Variants in GIT2 observed in about 807,000 individuals in gnomAD.
The protein encoded by GIT2 is GIT ArfGAP 2.
In GIT2, 32 loss-of-function variants were observed where a neutral mutation model predicts 100.3. That is an observed-to-expected ratio of 0.32 (90% CI 0.24 to 0.43). The LOEUF is 0.43. Ranked by LOEUF, GIT2 falls within the 20% of genes least tolerant of loss-of-function variation. GIT2 has a pLI of 1.00. For synonymous variants in GIT2, 353 were observed against 364.1 expected, an observed-to-expected ratio of 0.97 and a Z score of 0.35; for missense variants, 737 against 975.1, an observed-to-expected ratio of 0.76 and a Z score of 3.25.
At position 109,934,294 on chromosome 12, in the gene GIT2, C is replaced by T; in HGVS notation, c.2004-209G>A. Reference sequence around the variant, plus strand: ...AAAGTTCAATCTGATGAAAAGTCTCCAGGTATGAAATATGGCAACATACAC... The same window carrying T: ...AAAGTTCAATCTGATGAAAAGTCTCTAGGTATGAAATATGGCAACATACAC... On this transcript the variant is annotated intron_variant, in intron 18 of 19. Coordinates refer to ENST00000355312, the MANE Select transcript of GIT2 (RefSeq NM_057169.5). This position sits in a 1 kb window ranked among gnomAD's most constrained non-coding sequence, Gnocchi z 4.5. 1.7e-6 allele frequency: 1 copy of T among 576,818 alleles called. No individual in the cohort carries two copies. Among genetic ancestry groups the T allele is most frequent in the African/African-American group, 1.9e-5 (1 of 53,622 alleles). 35.7% of individuals were successfully genotyped at this position (576,818 alleles called of 1,614,324 possible).
At position 109,934,174 on chromosome 12, in the gene GIT2, A is replaced by G. The variant is rs1872345043; in HGVS notation, c.2004-89T>C. Reference sequence around the variant, plus strand: ...AAGTGCTAGAACAGATTCTGTTTACATTCCCTTCATGAAGGGGCTAGGGCT... The same window carrying G: ...AAGTGCTAGAACAGATTCTGTTTACGTTCCCTTCATGAAGGGGCTAGGGCT... On this transcript the variant is annotated intron_variant, in intron 18 of 19. Transcript: ENST00000355312. This position sits in a 1 kb window ranked among gnomAD's most constrained non-coding sequence, Gnocchi z 4.5. 1.3e-6 allele frequency: 1 copy of G among 782,302 alleles called. No homozygotes were observed. The highest frequency in any genetic ancestry group is 2.5e-5 in the East Asian group (1 of 39,496). 48.5% of individuals were successfully genotyped at this position (782,302 alleles called of 1,614,324 possible).
rs1402572163 is a variant in GIT2 at position 109,989,081 on chromosome 12, C to A, written c.300-13G>T. 1 of 1,518,504 alleles carries A rather than the reference C, an allele frequency of 6.6e-7. No homozygotes were observed. The highest frequency in any genetic ancestry group is 1.4e-5 in the African/African-American group (1 of 72,832). 94.1% of individuals were successfully genotyped at this position (1,518,504 alleles called of 1,614,324 possible). On this transcript the variant is annotated splice_polypyrimidine_tract_variant and intron_variant, in intron 3 of 19. Coordinates refer to ENST00000355312, the MANE Select transcript of GIT2 (RefSeq NM_057169.5). Reference sequence around the variant, plus strand: ...CGCTTTATTGGGACTGGTTCAAAAACAAAAAAGAAAACAGTTCACTCGTTC... The same window carrying A: ...CGCTTTATTGGGACTGGTTCAAAAAAAAAAAAGAAAACAGTTCACTCGTTC...
intron 1 of GIT2, among the ~76,000 whole-genome samples, chr12:109,993,761 G>A (rs983821752): frequency 3.3e-5 from 5 of 151,704 alleles, no homozygotes; most frequent in Admixed American, 3.3e-4. Flanking sequence ...TTAAAACATT[G>A]AACATTTCAT....
Position 109,933,151 on chromosome 12 carries a change from G to C in GIT2, c.2107C>G (p.Leu703Val). 1 of 1,586,490 alleles carries C rather than the reference G, an allele frequency of 6.3e-7. No individual in the cohort carries two copies. The highest frequency in any genetic ancestry group is 1.1e-5 in the South Asian group (1 of 88,360). The change falls in exon 20 of 20, where the codon CTG (leucine) becomes GTG (valine). Residue 703 changes from leucine (L) to valine (V), a missense_variant. This residue lies in a region of GIT2 where 451 missense variants were observed against 543.7 expected (regional missense o/e 0.83). Transcript: ENST00000355312. The surrounding 1 kb of genome is among the most constrained non-coding windows in gnomAD (Gnocchi z 4.5). ...SDMVRTSLRL[L>V]TSSAYRLQSE... ...TGCAGTCGGTAGGCACTGGACGTCA[G>C]TAAACGAAGGGAAGTCCTCACCATA...
At chr12:109,935,002 C>T (rs986296779) in intron 18 of GIT2, among the ~76,000 whole-genome samples, 4 of 151,652 alleles carry the variant, frequency 2.6e-5, no homozygotes, top group Non-Finnish European at 4.4e-5. Flanking sequence ...CGCTTGAACC[C>T]GGGAGGCAGA....
chr12:109,992,657 A>G (rs1244397781), intron 1 of GIT2, among the ~76,000 whole-genome samples: 1 of 152,036 alleles, frequency 6.6e-6, no homozygotes, highest in Non-Finnish European at 1.5e-5. Flanking sequence ...TATGATGTCC[A>G]TGAATTGGTT....
chr12:109,957,504 T>TA (rs945935830), intron 12 of GIT2, among the ~76,000 whole-genome samples: 12 of 151,056 alleles, frequency 7.9e-5, no homozygotes, highest in Non-Finnish European at 1.5e-4. Flanking sequence ...AAAAGATAAG[T>TA]ATGTATTTTT....
intron 7 of GIT2, among the ~76,000 whole-genome samples, chr12:109,969,992 G>T (rs1177134129): frequency 1.3e-5 from 2 of 151,904 alleles, no homozygotes; most frequent in African/African-American, 4.8e-5. Flanking sequence ...CTGACCTCAG[G>T]TGATCCACCC....
At chr12:109,976,107 CACACACACACACACAA>C (rs1224500313) in intron 7 of GIT2, among the ~76,000 whole-genome samples, 1 of 148,242 alleles carries the variant, frequency 6.7e-6, no homozygotes, top group Non-Finnish European at 1.5e-5. Context: ...AATTACTATA[CACACACACACACACAA>C]ACACACACAC....
chr12:109,959,657 C>T (rs765679798), intron 12 of GIT2, among the ~76,000 whole-genome samples, 190 bp downstream of exon 12: 3 of 152,020 alleles, frequency 2.0e-5, no homozygotes, highest in African/African-American at 7.3e-5. Context: ...CCATGGCACA[C>T]GTATACCTAC....
At chr12:109,968,052 T>C (rs1450891773) in intron 7 of GIT2, among the ~76,000 whole-genome samples, 1 of 152,224 alleles carries the variant, frequency 6.6e-6, no homozygotes, top group Non-Finnish European at 1.5e-5. Context: ...TGTAGGTTTT[T>C]CTTTAACATA....
Position 109,959,832 on chromosome 12 carries a change from G to A in GIT2, c.1099+15C>T. The A allele has an allele frequency of 6.7e-7, 1 of 1,489,058 alleles. No homozygotes were observed. The highest frequency in any genetic ancestry group is 9.4e-7 in the Non-Finnish European group (1 of 1,066,220). The allele number at this position is 1,489,058 out of a possible 1,614,324, so 92.2% of individuals were successfully genotyped here. A position where few individuals can be genotyped will look rare whatever the true frequency, so the allele number is the denominator to read the frequency against. On this transcript the variant is annotated intron_variant, in intron 12 of 19. Coordinates refer to ENST00000355312, the MANE Select transcript of GIT2 (RefSeq NM_057169.5). ...GGGCCAAAAAATGCAAGTGTTTGGA[G>A]GTTTGAGCAGTTACCTTTTGAACCC...
intron 1 of GIT2, among the ~76,000 whole-genome samples, chr12:109,993,707 C>A (rs146601375): frequency 6.6e-6 from 1 of 151,946 alleles, no homozygotes; most frequent in African/African-American, 2.4e-5. Flanking sequence ...ATTTTCTAGA[C>A]GTGAAATTCA....
intron 12 of GIT2, among the ~76,000 whole-genome samples, chr12:109,959,124 G>C (rs1485392737): frequency 6.6e-6 from 1 of 150,806 alleles, no homozygotes; most frequent in Non-Finnish European, 1.5e-5. Flanking sequence ...CTGGAGTGCA[G>C]TGGTGCAATC....
At chr12:109,974,397 C>T (rs184856993) in intron 7 of GIT2, among the ~76,000 whole-genome samples, 4 of 151,980 alleles carry the variant, frequency 2.6e-5, no homozygotes, top group African/African-American at 4.8e-5. Flanking sequence ...TGTGGTAGCA[C>T]GTGCCTGTAA....
In GIT2 at chr12:109,930,733, G is replaced by A. The variant is rs748930566; in HGVS notation, c.*2245C>T. ...ATAAAGGCAACATCTTCTATTGCAG[G>A]TCCTCAAACATTCCAAGGAAAACAC... is the stretch of plus-strand genomic sequence containing the variant. On this transcript the variant is annotated 3_prime_UTR_variant, in exon 20 of 20. Transcript: ENST00000355312. The A allele has an allele frequency of 2.6e-5, 4 of 152,192 alleles. No individual in the cohort carries two copies. Among genetic ancestry groups the A allele is most frequent in the Non-Finnish European group, 5.9e-5 (4 of 68,064 alleles). 9.4% of individuals were successfully genotyped at this position (152,192 alleles called of 1,614,324 possible). A position where few individuals can be genotyped will look rare whatever the true frequency, so the allele number is the denominator to read the frequency against.
In GIT2 at chr12:109,930,023, G is replaced by T. The variant is rs1459388590; in HGVS notation, c.*2955C>A. The T allele has an allele frequency of 6.6e-6, 1 of 152,498 alleles. No homozygotes were observed. The highest frequency in any genetic ancestry group is 2.4e-5 in the African/African-American group (1 of 41,444). 9.4% of individuals were successfully genotyped at this position (152,498 alleles called of 1,614,324 possible). On this transcript the variant is annotated 3_prime_UTR_variant, in exon 20 of 20. Coordinates refer to ENST00000355312, the MANE Select transcript of GIT2 (RefSeq NM_057169.5). ...GTTACCTTCAACCAGGACAAGGAAA[G>T]AAAGAAAACTATACTATTGGAAAGC...
intron 16 of GIT2, chr12:109,939,984 G>GA (rs1327677304): frequency 3.3e-5 from 5 of 152,170 alleles, no homozygotes; most frequent in Non-Finnish European, 7.3e-5. Context: ...ATGAGAAAAT[G>GA]AAGGGCCAAA....
rs1337166297 is a variant in GIT2, at chr12:109,989,717, C to T, written c.272G>A (p.Arg91His). 14 of 1,559,928 alleles carry T rather than the reference C, an allele frequency of 9.0e-6. No homozygotes were observed. Among genetic ancestry groups the T allele is most frequent in the East Asian group, 2.2e-5 (1 of 44,638 alleles). ...TACTTTATCCTGTGGATTAGCTTTA[C>T]GTCTTCCACTCATAATAGACGCAGG... Reference protein sequence around the residue: ...LDPASIMSGRRKANPQDKVHP... With the variant: ...LDPASIMSGRHKANPQDKVHP... The change falls in exon 3 of 20, where the codon CGT (arginine) becomes CAT (histidine). Residue 91 changes from arginine to histidine, a missense_variant. By Grantham distance (29) the Arg-to-His change is conservative. Around this residue, in one of 3 missense-constraint regions of GIT2, gnomAD observed 266 missense variants for 376.2 expected, o/e 0.71. Coordinates refer to ENST00000355312, the MANE Select transcript of GIT2 (RefSeq NM_057169.5).
Sources: gnomAD v4.1 joint callset for allele counts (sites outside exome capture counted in the v4.1 genomes callset) on GRCh38, gnomAD v4.1.1 for gene constraint, gnomAD v4.1.1 regional missense constraint, Gnocchi (gnomAD v3.1) non-coding constraint, MANE v1.5 for transcripts, NCBI Gene and HGNC (gene_info 2026-07-23, HGNC 2026-07-21) for gene names.